The following SH3GL2 variants were observed in gnomAD, a reference collection of about 807,000 sequenced individuals.
SH3GL2 encodes the protein endophilin-A1.
Under a neutral mutation model 46.0 loss-of-function variants are expected in SH3GL2, and 24 were observed. The observed-to-expected ratio is 0.52, with a 90% CI of 0.38 to 0.73. The LOEUF is 0.73. Among genes scored for constraint, SH3GL2 ranks in the 30% least tolerant of loss-of-function variants. The pLI is 0.00. For missense variants in SH3GL2, 413 were observed against 424.2 expected (o/e 0.97, Z 0.23); for synonymous variants, 196 against 147.1 (o/e 1.33, Z -2.40).
chr9:17,649,486 GA>G (rs1819904315), intron 1 of SH3GL2, among the ~76,000 whole-genome samples: 2 of 152,160 alleles, frequency 1.3e-5, no homozygotes, highest in African/African-American at 2.4e-5. Flanking sequence ...TAATTTAAGT[GA>G]AAAAAATCAT....
chr9:17,775,328 G>T (rs906391042), intron 3 of SH3GL2, among the ~76,000 whole-genome samples: 2 of 152,088 alleles, frequency 1.3e-5, no homozygotes, highest in African/African-American at 4.8e-5. Context: ...CCATTTCAAC[G>T]AAATAGCCGT....
chr9:17,759,066 G>C lies in SH3GL2; in HGVS notation c.115-2371G>C, dbSNP rs149265749. ...CATGAGTGGTTGGGCTCCCTACACAGAGCTTAAAAGGGAAGGGGGTTCTGT... is the reference window on the plus strand; with the variant it reads ...CATGAGTGGTTGGGCTCCCTACACACAGCTTAAAAGGGAAGGGGGTTCTGT... On this transcript the variant is annotated intron_variant, in intron 2 of 8. Transcript: ENST00000380607. 3.9e-5 allele frequency among the ~76,000 whole-genome samples: 6 copies of C among 152,250 alleles called. No individual in the cohort carries two copies. In the East Asian group the frequency reaches 1.2e-3, roughly 29 times the overall value.
chr9:17,624,987 A>G (rs1057346459), intron 1 of SH3GL2, among the ~76,000 whole-genome samples: 4 of 152,174 alleles, frequency 2.6e-5, no homozygotes, highest in East Asian at 1.9e-4. Context: ...TGTGAGTGAG[A>G]TGAAAATTGT....
intron 1 of SH3GL2, among the ~76,000 whole-genome samples, chr9:17,738,581 G>GT (rs1822421218): frequency 8.5e-6 from 1 of 117,452 alleles, no homozygotes; most frequent in African/African-American, 3.1e-5. Flanking sequence ...TATATAGAGA[G>GT]AGAGAGAGAG....
intron 1 of SH3GL2, among the ~76,000 whole-genome samples, chr9:17,646,826 G>A (rs537072945): frequency 1.3e-5 from 2 of 152,324 alleles, no homozygotes; most frequent in Admixed American, 1.3e-4. Context: ...GCTGGGAGAT[G>A]TCTCCCCATC....
rs138011743 is a variant in SH3GL2 at position 17,606,154 on chromosome 9, G to A, written c.45+26867G>A. Among the ~76,000 whole-genome samples, 760 of 152,092 alleles carry A rather than the reference G, an allele frequency of 5.0e-3. 7 individuals carry two copies. The highest frequency in any genetic ancestry group is 0.017 in the African/African-American group (719 of 41,476). On this transcript the variant is annotated intron_variant, in intron 1 of 8. Transcript: ENST00000380607. Reference sequence around the variant, plus strand: ...GTTGCCCAGGCTGGAGTGCAATGGCGTGATCTCAGCTCACTGCAACCTCTG... The same window carrying A: ...GTTGCCCAGGCTGGAGTGCAATGGCATGATCTCAGCTCACTGCAACCTCTG...
intron 1 of SH3GL2, among the ~76,000 whole-genome samples, chr9:17,638,841 G>A (rs553085065): frequency 6.6e-6 from 1 of 152,194 alleles, no homozygotes; most frequent in African/African-American, 2.4e-5. Flanking sequence ...ACTGGGGGAG[G>A]GGGTGGTGGT....
In SH3GL2 at chr9:17,672,709, A is replaced by G. The variant is rs182035234; in HGVS notation, c.46-74357A>G. 2.1e-3 allele frequency among the ~76,000 whole-genome samples: 318 copies of G among 152,292 alleles called. 2 individuals are homozygous for G. Among genetic ancestry groups the G allele is most frequent in the African/African-American group, 7.4e-3 (307 of 41,546 alleles). On this transcript the variant is annotated intron_variant, in intron 1 of 8. Coordinates refer to ENST00000380607, the MANE Select transcript of SH3GL2 (RefSeq NM_003026.5). Reference sequence around the variant, plus strand: ...AAAGATACAGAGTAACACACTCTGTATATTCATCAGACCGTGTAAATAACT... The same window carrying G: ...AAAGATACAGAGTAACACACTCTGTGTATTCATCAGACCGTGTAAATAACT...
rs1819735901 is a variant in SH3GL2 at position 17,643,552 on chromosome 9, A to G, written c.45+64265A>G. ...TATTATTTTGAGATATGTTCCATCA[A>G]TACCGACCTTATGGAGTGTTTTAGT... On this transcript the variant is annotated intron_variant, in intron 1 of 8. Coordinates refer to ENST00000380607, the MANE Select transcript of SH3GL2 (RefSeq NM_003026.5). Among the ~76,000 whole-genome samples, 4 of 152,184 alleles carry G rather than the reference A, an allele frequency of 2.6e-5. No homozygotes were observed. The South Asian group carries it at 8.3e-4, about 31-fold the overall frequency.
intron 1 of SH3GL2, among the ~76,000 whole-genome samples, chr9:17,739,185 A>G (rs529695378): frequency 6.6e-6 from 1 of 152,260 alleles, no homozygotes; most frequent in Non-Finnish European, 1.5e-5. Context: ...TTTTCTCTTA[A>G]CAAATGAGAA....
intron 1 of SH3GL2, among the ~76,000 whole-genome samples, chr9:17,687,783 A>G (rs891322455): frequency 2.6e-5 from 4 of 152,070 alleles, no homozygotes; most frequent in East Asian, 1.9e-4. Context: ...GAGAGAAACA[A>G]TGATGGATGT....
chr9:17,763,203 T>G (rs1470394682), intron 3 of SH3GL2, among the ~76,000 whole-genome samples: 1 of 152,160 alleles, frequency 6.6e-6, no homozygotes, highest in Admixed American at 6.5e-5. Flanking sequence ...ACACAAATTA[T>G]CAGTGGGAGC....
intron 1 of SH3GL2, among the ~76,000 whole-genome samples, chr9:17,667,226 C>G (rs73420569): frequency 0.04 from 6,142 of 152,092 alleles, 417 homozygotes; most frequent in African/African-American, 0.14. Context: ...AATTCACATA[C>G]CATAACATTA....
intron 1 of SH3GL2, among the ~76,000 whole-genome samples, chr9:17,580,647 T>G (rs915898632): frequency 6.6e-6 from 1 of 152,240 alleles, no homozygotes. Flanking sequence ...GACATGTTTA[T>G]GAAAGTAAGT....
intron 1 of SH3GL2, among the ~76,000 whole-genome samples, chr9:17,580,355 A>C (rs941364989): frequency 1.3e-5 from 2 of 152,216 alleles, no homozygotes; most frequent in Non-Finnish European, 2.9e-5. Flanking sequence ...CTAGGCTACC[A>C]CAGTGGCAGC....
chr9:17,638,172 AAAC>A lies in SH3GL2; in HGVS notation c.45+58888_45+58890del, dbSNP rs1285935058. The stretch of plus-strand genomic sequence containing the variant: ...ACTCCCTCTCAAAAAAAAAACAAAA[AAAC>A]AAAAAAACCACTGATTTCATAGCAC... On this transcript the variant is annotated intron_variant, in intron 1 of 8. Coordinates refer to ENST00000380607, the MANE Select transcript of SH3GL2 (RefSeq NM_003026.5). Among the ~76,000 whole-genome samples the A allele has an allele frequency of 4.3e-4, 66 of 152,150 alleles. No homozygotes were observed. In the East Asian group the frequency reaches 8.3e-3, roughly 19 times the overall value.
intron 3 of SH3GL2, among the ~76,000 whole-genome samples, chr9:17,785,610 T>C (rs181896308): frequency 6.6e-6 from 1 of 152,318 alleles, no homozygotes; most frequent in African/African-American, 2.4e-5. Flanking sequence ...CTAGGTATCC[T>C]AGCATCAATT....
At chr9:17,655,088 C>T (rs1477193603) in intron 1 of SH3GL2, among the ~76,000 whole-genome samples, 1 of 152,166 alleles carries the variant, frequency 6.6e-6, no homozygotes, top group Admixed American at 6.5e-5. Flanking sequence ...CATGAATTTT[C>T]CTTTTCCTCT....
intron 1 of SH3GL2, among the ~76,000 whole-genome samples, chr9:17,607,717 T>C (rs536271425): frequency 7.2e-5 from 11 of 152,360 alleles, no homozygotes; most frequent in African/African-American, 2.6e-4. Context: ...TATTTTTGAC[T>C]TTTTCTTCAA....
Sources: gnomAD v4.1 joint callset for allele counts (sites outside exome capture counted in the v4.1 genomes callset) on GRCh38, gnomAD v4.1.1 for gene constraint, MANE v1.5 for transcripts, NCBI Gene and HGNC (gene_info 2026-07-23, HGNC 2026-07-21) for gene names.